Variants in AP1G1 observed in about 807,000 individuals in gnomAD.
The protein encoded by AP1G1 is AP-1 complex subunit gamma-1.
In AP1G1, 7 loss-of-function variants were observed where a neutral mutation model predicts 108.3. The observed-to-expected ratio is 0.06, with a 90% CI of 0.04 to 0.12. AP1G1 has a LOEUF of 0.12. Among genes scored for constraint, AP1G1 ranks in the 10% least tolerant of loss-of-function variants. The pLI is 1.00. For synonymous variants in AP1G1, 379 were observed against 353.5 expected (o/e 1.07, Z -0.81); for missense variants, 756 against 1,010.7 (o/e 0.75, Z 3.42).
At chr16:71,762,964 C>A (rs2031159474) in intron 9 of AP1G1, among the ~76,000 whole-genome samples, 1 of 152,188 alleles carries the variant, frequency 6.6e-6, no homozygotes, top group Non-Finnish European at 1.5e-5. Flanking sequence ...GATGTGACAC[C>A]TTATCTCCAG....
intron 11 of AP1G1, chr16:71,758,592 T>C (rs1302035159): frequency 6.6e-6 from 4 of 607,840 alleles, no homozygotes; most frequent in Non-Finnish European, 1.2e-5. Flanking sequence ...GTATTCTTAT[T>C]GGCCTCCTTA....
chr16:71,762,046 C>A (rs930332572), intron 9 of AP1G1, among the ~76,000 whole-genome samples: 1 of 151,926 alleles, frequency 6.6e-6, no homozygotes, highest in Non-Finnish European at 1.5e-5. Flanking sequence ...TGACAAACAA[C>A]TGTACATATA....
intron 13 of AP1G1, chr16:71,751,384 A>G (rs1324813819): frequency 2.6e-5 from 4 of 151,592 alleles, no homozygotes; most frequent in Non-Finnish European, 1.5e-5. Context: ...AACCTTGGTC[A>G]ATCTCCCATT....
intron 19 of AP1G1, among the ~76,000 whole-genome samples, chr16:71,744,566 A>AGT (rs1433337333): frequency 1.7e-5 from 2 of 119,004 alleles, no homozygotes; most frequent in South Asian, 3.3e-4. Flanking sequence ...TGAAAGAGAA[A>AGT]GTGTGTTTTT....
At chr16:71,793,398 A>G (rs866770340) in intron 1 of AP1G1, among the ~76,000 whole-genome samples, 1 of 152,178 alleles carries the variant, frequency 6.6e-6, no homozygotes, top group East Asian at 1.9e-4. Context: ...AGAAGCTACA[A>G]ATCAGAAAAC....
intron 2 of AP1G1, among the ~76,000 whole-genome samples, chr16:71,786,073 T>TA (rs1335875420): frequency 6.6e-6 from 1 of 152,096 alleles, no homozygotes; most frequent in Non-Finnish European, 1.5e-5. Context: ...AATAAGAACT[T>TA]AAAATTATGA....
intron 1 of AP1G1, among the ~76,000 whole-genome samples, chr16:71,800,922 G>A (rs570693355): frequency 7.9e-4 from 120 of 152,242 alleles, no homozygotes; most frequent in Non-Finnish European, 1.1e-3. Flanking sequence ...TTGAACCTGG[G>A]AGGCGGAGGT....
intron 4 of AP1G1, among the ~76,000 whole-genome samples, chr16:71,771,571 G>T (rs1323459848): frequency 1.3e-5 from 2 of 152,150 alleles, no homozygotes; most frequent in Non-Finnish European, 2.9e-5. Flanking sequence ...TGGTTGGGGA[G>T]TTCCAGTTTA....
rs745984075 is a variant in AP1G1, at chr16:71,739,293, T to A, written c.2048A>T (p.Gln683Leu). The A allele has an allele frequency of 6.2e-7, 1 of 1,612,434 alleles. No individual in the cohort carries two copies. The highest frequency in any genetic ancestry group is 8.5e-7 in the Non-Finnish European group (1 of 1,179,668). Residue 683 changes from glutamine (Q) to leucine (L), a missense_variant, in exon 20 of 23, where the codon CAG becomes CTG. By Grantham distance (113) the Gln-to-Leu change is moderately radical. Transcript: ENST00000299980. ...AAGCCCATCCAACAAGAAGGGGGGCTGGGATATCTGTGGGACTGAGGCAGG... is the reference window on the plus strand; with the variant it reads ...AAGCCCATCCAACAAGAAGGGGGGCAGGGATATCTGTGGGACTGAGGCAGG... ...PAPASVPQIS[Q>L]PPFLLDGLSS... is the part of the protein sequence containing the mutation.
Position 71,734,670 on chromosome 16 carries a change from A to G in AP1G1, c.2306T>C (p.Ile769Thr). The change falls in exon 22 of 23, where the codon ATT (isoleucine) becomes ACT (threonine). Residue 769 changes from isoleucine to threonine, a missense_variant. Ile to Thr is a moderately conservative substitution (Grantham distance 89, BLOSUM62 -1). Transcript: ENST00000299980. The stretch of plus-strand genomic sequence containing the variant: ...GGTCCCCGTGTTAAATGCTGGGACA[A>G]TGCTGCTGCTAGGAGACAAGAGCTG... The part of the protein sequence containing the change: ...QLQLLSPSSS[I>T]VPAFNTGTIT... The G allele has an allele frequency of 6.2e-7, 1 of 1,614,140 alleles. No homozygotes were observed. The highest frequency in any genetic ancestry group is 1.1e-5 in the South Asian group (1 of 91,082).
intron 21 of AP1G1, among the ~76,000 whole-genome samples, chr16:71,737,349 T>C (rs569994516): frequency 6.6e-6 from 1 of 152,286 alleles, no homozygotes; most frequent in African/African-American, 2.4e-5. Flanking sequence ...AGTGGCATGA[T>C]CTTGGCTAAC....
intron 5 of AP1G1, 112 bp from the exon 6 acceptor site, chr16:71,769,811 T>A (rs2031499362): frequency 2.5e-6 from 2 of 801,246 alleles, no homozygotes; most frequent in Non-Finnish European, 4.1e-6. Flanking sequence ...CTACTTTTGC[T>A]TTTTAATCCC....
intron 1 of AP1G1, among the ~76,000 whole-genome samples, chr16:71,803,263 A>G (rs975448247): frequency 1.3e-5 from 2 of 152,140 alleles, no homozygotes; most frequent in African/African-American, 4.8e-5. Context: ...ATAAATTACA[A>G]AAGTCACATG....
At chr16:71,755,292 C>T (rs2030719970) in intron 12 of AP1G1, among the ~76,000 whole-genome samples, 1 of 152,020 alleles carries the variant, frequency 6.6e-6, no homozygotes, top group Admixed American at 6.6e-5. Flanking sequence ...CAGAAATTAG[C>T]AGGGTGTGGT....
chr16:71,738,543 G>C (rs1288892272), intron 21 of AP1G1, among the ~76,000 whole-genome samples: 2 of 152,122 alleles, frequency 1.3e-5, no homozygotes, highest in African/African-American at 2.4e-5. Flanking sequence ...TGGTTAACTA[G>C]AAGATAATAC....
At chr16:71,738,204 T>C (rs1446170705) in intron 21 of AP1G1, among the ~76,000 whole-genome samples, 2 of 149,730 alleles carry the variant, frequency 1.3e-5, no homozygotes, top group South Asian at 2.2e-4. Context: ...GAACCTGCCA[T>C]CACGCCCGGC....
At chr16:71,793,382 TG>T (rs2032472149) in intron 1 of AP1G1, among the ~76,000 whole-genome samples, 1 of 152,110 alleles carries the variant, frequency 6.6e-6, no homozygotes, top group African/African-American at 2.4e-5. Context: ...CAGCCCGTTC[TG>T]GAATAGAAGC....
In AP1G1 at chr16:71,771,256, T is replaced by TAAAAAAAAAA; in HGVS notation, c.469-5_469-4insTTTTTTTTTT. 8.8e-7 allele frequency: 1 copy of TAAAAAAAAAA among 1,134,042 alleles called. No homozygotes were observed. The highest frequency in any genetic ancestry group is 1.2e-6 in the Non-Finnish European group (1 of 838,466). 70.2% of individuals were successfully genotyped at this position (1,134,042 alleles called of 1,614,324 possible). On this transcript the variant is annotated splice_region_variant and splice_polypyrimidine_tract_variant and intron_variant, in intron 4 of 22. Transcript: ENST00000299980. The stretch of plus-strand genomic sequence containing the variant: ...CATGAACAGCACACAGTGCTGCCTA[T>TAAAAAAAAAA]GAAAAAAAAAATAAAAGAACAAAAG...
rs2032391460 is a variant in AP1G1 at position 71,791,324 on chromosome 16, G to A, written c.-3-1842C>T. ...TTTTACCATATGTTAACTTTAAAGA[G>A]TTTATTTTAAAGTAAACAAAAAAGC... On this transcript the variant is annotated intron_variant, in intron 1 of 22. Transcript: ENST00000299980. 2.0e-5 allele frequency among the ~76,000 whole-genome samples: 3 copies of A among 151,498 alleles called. No homozygotes were observed. The South Asian group carries it at 6.2e-4, about 31-fold the overall frequency.
Sources: allele counts gnomAD v4.1 joint callset (sites outside exome capture counted in the v4.1 genomes callset), GRCh38; gene constraint gnomAD v4.1.1; transcripts MANE v1.5; gene names NCBI Gene and HGNC (gene_info 2026-07-23, HGNC 2026-07-21).